EPB41L4A: variants seen among roughly 807,000 people sequenced by gnomAD.
EPB41L4A encodes the protein band 4.1-like protein 4A.
Under a neutral mutation model 108.6 loss-of-function variants are expected in EPB41L4A, and 100 were observed. The observed-to-expected ratio is 0.92, with a 90% CI of 0.78 to 1.09. EPB41L4A has a LOEUF of 1.09. Ranked by LOEUF, EPB41L4A falls within the 50% of genes least tolerant of loss-of-function variation. EPB41L4A has a pLI of 0.00. For synonymous variants in EPB41L4A, 319 were observed against 289.0 expected, an observed-to-expected ratio of 1.10 and a Z score of -1.05; for missense variants, 1,030 against 842.7, an observed-to-expected ratio of 1.22 and a Z score of -2.75.
chr5:112,310,473 T>C (rs1447609949), intron 1 of EPB41L4A, among the ~76,000 whole-genome samples: 1 of 152,248 alleles, frequency 6.6e-6, no homozygotes, highest in African/African-American at 2.4e-5. Context: ...CTGTAATGGA[T>C]TGCTTCTAAA....
In EPB41L4A at chr5:112,395,608, G is replaced by C. The variant is rs921811068; in HGVS notation, c.99+23333C>G. 3.9e-5 allele frequency among the ~76,000 whole-genome samples: 6 copies of C among 152,304 alleles called. No individual in the cohort carries two copies. The East Asian group carries it at 1.2e-3, about 29-fold the overall frequency. Reference sequence around the variant, plus strand: ...AAGTCAGGAAACAACAGGTGCTGGAGAGGATGTGGAGAAATAGGAACACTT... The same window carrying C: ...AAGTCAGGAAACAACAGGTGCTGGACAGGATGTGGAGAAATAGGAACACTT... On this transcript the variant is annotated intron_variant, in intron 1 of 22. Transcript: ENST00000261486.
chr5:112,396,134 G>A (rs1761332702), intron 1 of EPB41L4A, among the ~76,000 whole-genome samples: 1 of 152,062 alleles, frequency 6.6e-6, no homozygotes, highest in Non-Finnish European at 1.5e-5. Context: ...AGCATTAGGA[G>A]AGATACCTAA....
intron 15 of EPB41L4A, among the ~76,000 whole-genome samples, chr5:112,203,070 A>T (rs1172633993): frequency 6.6e-6 from 1 of 151,842 alleles, no homozygotes; most frequent in Non-Finnish European, 1.5e-5. Context: ...TTATTTTTTT[A>T]AAAAAGGAAA....
chr5:112,321,323 A>G (rs545284128), intron 1 of EPB41L4A, among the ~76,000 whole-genome samples: 2 of 152,326 alleles, frequency 1.3e-5, no homozygotes, highest in East Asian at 3.9e-4. Flanking sequence ...CCTTTCCTGC[A>G]GTAACACAAT....
At position 112,373,677 on chromosome 5, in the gene EPB41L4A, G is replaced by T. The variant is rs547386513; in HGVS notation, c.99+45264C>A. Among the ~76,000 whole-genome samples, 10 of 152,298 alleles carry T rather than the reference G, an allele frequency of 6.6e-5. No homozygotes were observed. In the South Asian group the frequency reaches 2.1e-3, roughly 32 times the overall value. Reference sequence around the variant, plus strand: ...CCAGCCAGCAAGTGGCAGAGCCAGGGTTAGAACCCAGGAAGTCTGGCTGCA... The same window carrying T: ...CCAGCCAGCAAGTGGCAGAGCCAGGTTTAGAACCCAGGAAGTCTGGCTGCA... On this transcript the variant is annotated intron_variant, in intron 1 of 22. Transcript: ENST00000261486.
chr5:112,417,050 T>C (rs995671616), intron 1 of EPB41L4A, among the ~76,000 whole-genome samples: 1 of 152,246 alleles, frequency 6.6e-6, no homozygotes, highest in Non-Finnish European at 1.5e-5. Flanking sequence ...TAAATGATTA[T>C]TTCCAACAAC....
chr5:112,221,996 G>A (rs1722108976), intron 12 of EPB41L4A, among the ~76,000 whole-genome samples: 1 of 152,170 alleles, frequency 6.6e-6, no homozygotes, highest in South Asian at 2.1e-4. Context: ...CTAACAGCCT[G>A]CAACAAACAT....
intron 1 of EPB41L4A, among the ~76,000 whole-genome samples, chr5:112,362,582 T>C (rs945775904): frequency 2.6e-5 from 4 of 152,124 alleles, no homozygotes; most frequent in South Asian, 2.1e-4. Flanking sequence ...CACCCAGACT[T>C]AGAACATTAA....
intron 12 of EPB41L4A, among the ~76,000 whole-genome samples, chr5:112,225,146 C>G (rs1045523090): frequency 1.3e-5 from 2 of 152,198 alleles, no homozygotes; most frequent in Non-Finnish European, 2.9e-5. Context: ...CATTCTAGAA[C>G]TTGCTACACC....
intron 1 of EPB41L4A, among the ~76,000 whole-genome samples, chr5:112,348,904 T>C (rs549297390): frequency 1.3e-5 from 2 of 152,162 alleles, no homozygotes; most frequent in Admixed American, 1.3e-4. Context: ...GAGTTTCAAA[T>C]GAAGAAGACA....
intron 1 of EPB41L4A, among the ~76,000 whole-genome samples, chr5:112,310,075 T>C (rs913155570): frequency 6.6e-6 from 1 of 152,226 alleles, no homozygotes; most frequent in African/African-American, 2.4e-5. Context: ...AAGCCAGCCA[T>C]GACATCCTGG....
chr5:112,286,215 T>G (rs895536644), intron 2 of EPB41L4A, among the ~76,000 whole-genome samples: 5 of 151,738 alleles, frequency 3.3e-5, no homozygotes, highest in African/African-American at 1.2e-4. Context: ...CTTGCAAGTG[T>G]CCTCAATTTC....
chr5:112,282,144 C>A (rs1753003485), intron 2 of EPB41L4A, among the ~76,000 whole-genome samples: 1 of 152,164 alleles, frequency 6.6e-6, no homozygotes, highest in Non-Finnish European at 1.5e-5. Context: ...CCCACAGCGA[C>A]TAAAAATGAG....
intron 2 of EPB41L4A, among the ~76,000 whole-genome samples, chr5:112,293,816 AC>A (rs1753814177): frequency 6.6e-6 from 1 of 152,232 alleles, no homozygotes; most frequent in African/African-American, 2.4e-5. Context: ...ATGGTGTTTC[AC>A]ATGACTGTGC....
chr5:112,419,756 T>C (rs1762980807), upstream of EPB41L4A: 1 of 456,710 alleles, frequency 2.2e-6, no homozygotes, highest in Non-Finnish European at 4.4e-6. Flanking sequence ...GCAGGCTCCT[T>C]ACCCAGACCA....
chr5:112,247,462 G>A (rs1410915248), intron 9 of EPB41L4A, among the ~76,000 whole-genome samples: 1 of 152,152 alleles, frequency 6.6e-6, no homozygotes. Flanking sequence ...AACAATGGAA[G>A]TACTGTGTGT....
chr5:112,282,591 G>A (rs1753036594), intron 2 of EPB41L4A, among the ~76,000 whole-genome samples: 1 of 152,126 alleles, frequency 6.6e-6, no homozygotes, highest in African/African-American at 2.4e-5. Flanking sequence ...GTTGGTTAGG[G>A]GACCGTATTC....
In EPB41L4A at chr5:112,200,502, T is replaced by C. The variant is rs376429033; in HGVS notation, c.1376+3873A>G. Among the ~76,000 whole-genome samples, 12 of 152,310 alleles carry C rather than the reference T, an allele frequency of 7.9e-5. No homozygotes were observed. The East Asian group carries it at 9.7e-4, about 12-fold the overall frequency. On this transcript the variant is annotated intron_variant, in intron 15 of 22. Coordinates refer to ENST00000261486, the MANE Select transcript of EPB41L4A (RefSeq NM_022140.5). The stretch of plus-strand genomic sequence containing the variant: ...AAAGTCACAATGGCACATATATTCC[T>C]ATGACTCATGTATTTATCCCTTAAC...
chr5:112,209,729 A>C (rs779734770), intron 13 of EPB41L4A, among the ~76,000 whole-genome samples, 163 bp downstream of exon 13: 1 of 152,204 alleles, frequency 6.6e-6, no homozygotes, highest in African/African-American at 2.4e-5. Context: ...TTTATATTTC[A>C]TTGGTGTTTT....
Sources: allele counts gnomAD v4.1 joint callset (sites outside exome capture counted in the v4.1 genomes callset), GRCh38; gene constraint gnomAD v4.1.1; transcripts MANE v1.5; gene names NCBI Gene and HGNC (gene_info 2026-07-23, HGNC 2026-07-21).